Variants in DGKB observed in about 807,000 individuals in gnomAD.
DGKB encodes the protein diacylglycerol kinase beta.
Under a neutral mutation model 114.3 loss-of-function variants are expected in DGKB, and 67 were observed. That is an observed-to-expected ratio of 0.59 (90% CI 0.48 to 0.72). DGKB has a LOEUF of 0.72. Among genes scored for constraint, DGKB ranks in the 30% least tolerant of loss-of-function variants. DGKB has a pLI of 0.00. For missense variants in DGKB, 907 were observed against 975.2 expected (o/e 0.93, Z 0.93); for synonymous variants, 398 against 323.1 (o/e 1.23, Z -2.49).
chr7:14,842,756 A>T (rs185333986), intron 1 of DGKB, among the ~76,000 whole-genome samples: 2 of 2,864 alleles, frequency 7.0e-4, no homozygotes, highest in African/African-American at 0.015. Flanking sequence ...CACATTACAC[A>T]CCTGTCTCCC....
intron 7 of DGKB, 137 bp from the exon 8 acceptor site, chr7:14,698,306 A>C (rs1252410220): frequency 3.8e-6 from 2 of 527,080 alleles, no homozygotes; most frequent in East Asian, 7.3e-5. Context: ...ATATGTACAT[A>C]ATCCTTTTTA....
chr7:14,654,073 T>C (rs56292448), intron 13 of DGKB, among the ~76,000 whole-genome samples: 3 of 151,808 alleles, frequency 2.0e-5, no homozygotes, highest in Admixed American at 1.3e-4. Context: ...GGCATCCAAA[T>C]TGGAAAAGAG....
intron 22 of DGKB, among the ~76,000 whole-genome samples, chr7:14,340,464 T>C (rs1269325316): frequency 6.6e-6 from 1 of 151,500 alleles, no homozygotes; most frequent in East Asian, 1.9e-4. Context: ...TATTATATCT[T>C]TTGCACACTG....
chr7:14,602,593 T>C lies in DGKB; in HGVS notation c.1433+4841A>G, dbSNP rs898937635. Among the ~76,000 whole-genome samples, 6 of 152,196 alleles carry C rather than the reference T, an allele frequency of 3.9e-5. No individual in the cohort carries two copies. The East Asian group carries it at 1.2e-3, about 29-fold the overall frequency. On this transcript the variant is annotated intron_variant, in intron 17 of 25. Coordinates refer to ENST00000402815, the MANE Select transcript of DGKB (RefSeq NM_001350709.2). ...GCTGTTTTTCTGCTCTTCTGCCATG[T>C]GGAGACTCAGCATTCATTCTCTCCA...
At chr7:14,647,199 G>C (rs528584385) in intron 13 of DGKB, among the ~76,000 whole-genome samples, 2 of 152,008 alleles carry the variant, frequency 1.3e-5, no homozygotes, top group African/African-American at 4.8e-5. Context: ...TACCACACTG[G>C]GTAATCTAGA....
chr7:14,232,083 CCT>C (rs925411789), intron 23 of DGKB, among the ~76,000 whole-genome samples: 6 of 151,924 alleles, frequency 3.9e-5, no homozygotes, highest in Non-Finnish European at 7.4e-5. Flanking sequence ...TTGCTTTTAT[CCT>C]CTCATATCCT....
rs553079167 is a variant in DGKB at position 14,350,735 on chromosome 7, G to A, written c.1836-5344C>T. Among the ~76,000 whole-genome samples, 4 of 151,264 alleles carry A rather than the reference G, an allele frequency of 2.6e-5. No homozygotes were observed. In the South Asian group the frequency reaches 6.3e-4, roughly 24 times the overall value. On this transcript the variant is annotated intron_variant, in intron 21 of 25. Coordinates refer to ENST00000402815, the MANE Select transcript of DGKB (RefSeq NM_001350709.2). ...GATACTGAACCCATTTTCAAGCATC[G>A]TTAACTAAGCGATTTGACCTATATT...
chr7:14,558,844 T>G (rs1796243019), intron 20 of DGKB, among the ~76,000 whole-genome samples: 1 of 152,188 alleles, frequency 6.6e-6, no homozygotes, highest in African/African-American at 2.4e-5. Context: ...GGACTCCATT[T>G]GCTTACTCAA....
intron 1 of DGKB, among the ~76,000 whole-genome samples, chr7:14,919,460 G>T (rs977692174): frequency 6.6e-6 from 1 of 152,138 alleles, no homozygotes; most frequent in Non-Finnish European, 1.5e-5. Context: ...CCTATACAGA[G>T]ACCTTACATG....
intron 21 of DGKB, among the ~76,000 whole-genome samples, chr7:14,421,209 G>A (rs1444092140): frequency 1.3e-5 from 2 of 151,676 alleles, no homozygotes; most frequent in East Asian, 3.9e-4. Context: ...TTCTGTAGAG[G>A]GTATTTTCAC....
At chr7:14,709,695 T>C (rs1187720727) in intron 6 of DGKB, among the ~76,000 whole-genome samples, 1 of 146,198 alleles carries the variant, frequency 6.8e-6, no homozygotes, top group Admixed American at 7.0e-5. Flanking sequence ...AAATCATCAT[T>C]CTCAGTAAAC....
intron 1 of DGKB, among the ~76,000 whole-genome samples, chr7:14,961,933 G>C (rs1279929590): frequency 1.3e-5 from 2 of 152,082 alleles, no homozygotes; most frequent in South Asian, 4.1e-4. Context: ...TAGTAACACA[G>C]CCCAAAGTAT....
intron 1 of DGKB, among the ~76,000 whole-genome samples, chr7:14,937,285 T>C (rs1463014223): frequency 3.3e-5 from 5 of 152,022 alleles, no homozygotes; most frequent in Admixed American, 3.3e-4. Flanking sequence ...ATAAAGTTTA[T>C]ATGAAGACTC....
At chr7:14,653,940 GA>G (rs1200557535) in intron 13 of DGKB, among the ~76,000 whole-genome samples, 1 of 151,926 alleles carries the variant, frequency 6.6e-6, no homozygotes, top group African/African-American at 2.4e-5. Context: ...ACTGAACAGA[GA>G]AAAGCTTAAA....
At chr7:14,825,338 T>C (rs1158041882) in intron 2 of DGKB, among the ~76,000 whole-genome samples, 5 of 152,076 alleles carry the variant, frequency 3.3e-5, no homozygotes, top group Non-Finnish European at 2.9e-5. Context: ...TCTATTATTA[T>C]TTCATTGTAA....
At chr7:14,199,324 C>G (rs1785486487) in intron 23 of DGKB, among the ~76,000 whole-genome samples, 1 of 151,654 alleles carries the variant, frequency 6.6e-6, no homozygotes, top group East Asian at 1.9e-4. Context: ...GGGGGGAATA[C>G]AGAATGAATA....
chr7:14,404,884 A>G (rs561552174), intron 21 of DGKB, among the ~76,000 whole-genome samples: 1 of 151,826 alleles, frequency 6.6e-6, no homozygotes, highest in African/African-American at 2.4e-5. Context: ...TTCTCACCTC[A>G]GCCATTAAAC....
chr7:14,882,424 GT>G (rs1476170088), intron 1 of DGKB, among the ~76,000 whole-genome samples: 1 of 151,994 alleles, frequency 6.6e-6, no homozygotes, highest in Non-Finnish European at 1.5e-5. Context: ...TTGTTTTAAT[GT>G]TTGAACTTCT....
At position 14,487,999 on chromosome 7, in the gene DGKB, G is replaced by A. The variant is rs1224054072; in HGVS notation, c.1771-9774C>T. Among the ~76,000 whole-genome samples, 6 of 151,994 alleles carry A rather than the reference G, an allele frequency of 3.9e-5. No individual in the cohort carries two copies. The East Asian group carries it at 1.2e-3, about 29-fold the overall frequency. ...AATAAAAACTTATGAACATTGTAAT[G>A]GAATATGACAGGATTGAAAGCAAAT... On this transcript the variant is annotated intron_variant, in intron 20 of 25. Coordinates refer to ENST00000402815, the MANE Select transcript of DGKB (RefSeq NM_001350709.2).
Sources: gnomAD v4.1 joint callset for allele counts (sites outside exome capture counted in the v4.1 genomes callset) on GRCh38, gnomAD v4.1.1 for gene constraint, MANE v1.5 for transcripts, NCBI Gene and HGNC (gene_info 2026-07-23, HGNC 2026-07-21) for gene names.